Variants in WDHD1 observed in about 807,000 individuals in gnomAD.
The protein encoded by WDHD1 is WD repeat and HMG-box DNA binding protein 1, also known as WD repeat and HMG-box DNA-binding protein 1.
Under a neutral mutation model 135.4 loss-of-function variants are expected in WDHD1, and 111 were observed. The ratio of observed to expected loss-of-function variants is 0.82; its 90% CI spans 0.70 to 0.96. The LOEUF is 0.96. Among genes scored for constraint, WDHD1 ranks in the 40% least tolerant of loss-of-function variants. The pLI is 0.00. For synonymous variants in WDHD1, 434 were observed against 439.0 expected (o/e 0.99, Z 0.14); for missense variants, 1,351 against 1,336.3 (o/e 1.01, Z -0.17).
intron 16 of WDHD1, among the ~76,000 whole-genome samples, chr14:54,972,447 G>A (rs925789747): frequency 6.7e-6 from 1 of 149,156 alleles, no homozygotes; most frequent in Non-Finnish European, 1.5e-5. Context: ...GTGTGGTGGT[G>A]AACGCCTGTA....
At chr14:55,018,675 T>A (rs2042297395) in intron 2 of WDHD1, among the ~76,000 whole-genome samples, 2 of 152,142 alleles carry the variant, frequency 1.3e-5, no homozygotes, top group Admixed American at 6.5e-5. Flanking sequence ...TAAAACAAAT[T>A]CTTAAAAATT....
In WDHD1 at chr14:54,987,151, T is replaced by C. The variant is rs374054757; in HGVS notation, c.1763A>G (p.His588Arg). 44 of 1,613,940 alleles carry C rather than the reference T, an allele frequency of 2.7e-5. No individual in the cohort carries two copies. Among genetic ancestry groups the C allele is most frequent in the Non-Finnish European group, 3.6e-5 (43 of 1,179,976 alleles). Residue 588 changes from histidine to arginine, a missense_variant, in exon 14 of 26, where the codon CAC becomes CGC. His to Arg is a conservative substitution (Grantham distance 29). This residue lies in a region of WDHD1 where 1,330 missense variants were observed against 1,296.1 expected (regional missense o/e 1.03). Coordinates refer to ENST00000360586, the MANE Select transcript of WDHD1 (RefSeq NM_007086.4). Reference protein sequence around the residue: ...GHGEQLFIVYHRGTGFDGDQC... With the variant: ...GHGEQLFIVYRRGTGFDGDQC... ...AAAGACTGAAAAAAATCTACCTCTG[T>C]GATAAACAATGAAAAGCTGTTCTCC...
intron 23 of WDHD1, among the ~76,000 whole-genome samples, chr14:54,955,903 T>G (rs2041150616): frequency 1.4e-5 from 2 of 146,132 alleles, no homozygotes; most frequent in Admixed American, 1.4e-4. Context: ...TCCTTTTTTT[T>G]TTTTTTTTTT....
At chr14:55,023,049 G>A (rs187585280) in intron 2 of WDHD1, among the ~76,000 whole-genome samples, 31 of 152,050 alleles carry the variant, frequency 2.0e-4, no homozygotes, top group African/African-American at 7.5e-4. Context: ...TCTGACCTCA[G>A]GTGATCCACC....
At chr14:55,013,896 G>A (rs2042217274) in intron 2 of WDHD1, among the ~76,000 whole-genome samples, 1 of 151,798 alleles carries the variant, frequency 6.6e-6, no homozygotes, top group African/African-American at 2.4e-5. Context: ...AACAGAGCAA[G>A]ACTCTATCTC....
At chr14:55,010,519 T>C (rs1308508965) in intron 3 of WDHD1, 59 bp from the exon 4 acceptor site, 1 of 1,344,574 alleles carries the variant, frequency 7.4e-7, no homozygotes, top group Non-Finnish European at 9.7e-7. Context: ...ACTGGGAGTC[T>C]CTCCATAGTT....
intron 24 of WDHD1, 141 bp from the exon 25 acceptor site, chr14:54,944,611 T>C (rs2040890623): frequency 2.8e-6 from 2 of 717,776 alleles, no homozygotes; most frequent in Admixed American, 4.4e-5. Context: ...TGTTAATTCA[T>C]GTTACTTTTT....
rs1342534097 is a variant in WDHD1, at chr14:55,017,291, T to C, written c.78-3695A>G. On this transcript the variant is annotated intron_variant, in intron 2 of 25. Transcript: ENST00000360586. ...TGGTTTTATCCTTTATTGTATCAAA[T>C]AACTACATATTAATTTTATTGTTTT... 2.0e-5 allele frequency among the ~76,000 whole-genome samples: 3 copies of C among 152,352 alleles called. No homozygotes were observed. In the East Asian group the frequency reaches 5.8e-4, roughly 29 times the overall value.
At chr14:54,970,320 T>A (rs963072859) in intron 16 of WDHD1, among the ~76,000 whole-genome samples, 1 of 152,168 alleles carries the variant, frequency 6.6e-6, no homozygotes, top group African/African-American at 2.4e-5. Context: ...AGTTTCAGGA[T>A]ACAAAATCAA....
intron 24 of WDHD1, among the ~76,000 whole-genome samples, chr14:54,953,021 C>T (rs970119295): frequency 1.3e-4 from 19 of 151,976 alleles, no homozygotes; most frequent in Admixed American, 1.2e-3. Flanking sequence ...CCATAAAAAC[C>T]CCAGAAGAAA....
At chr14:55,009,836 T>A (rs1221440964) in intron 4 of WDHD1, among the ~76,000 whole-genome samples, 1 of 152,204 alleles carries the variant, frequency 6.6e-6, no homozygotes, top group African/African-American at 2.4e-5. Flanking sequence ...TTTTTCTTTT[T>A]TTGAGACAGA....
intron 18 of WDHD1, among the ~76,000 whole-genome samples, chr14:54,965,079 C>A (rs1193387263): frequency 9.8e-5 from 15 of 152,290 alleles, no homozygotes. Flanking sequence ...GTCTCATATA[C>A]CACTTTTCTC....
At chr14:54,949,788 T>G (rs1317688326) in intron 24 of WDHD1, among the ~76,000 whole-genome samples, 1 of 152,202 alleles carries the variant, frequency 6.6e-6, no homozygotes, top group Non-Finnish European at 1.5e-5. Context: ...GACTAACAGC[T>G]GATCTCTCGG....
chr14:55,001,858 G>A (rs1157517014), intron 8 of WDHD1, among the ~76,000 whole-genome samples: 1 of 152,154 alleles, frequency 6.6e-6, no homozygotes, highest in African/African-American at 2.4e-5. Flanking sequence ...GATCATTTTA[G>A]AACAACTTGT....
intron 16 of WDHD1, among the ~76,000 whole-genome samples, chr14:54,969,850 C>T (rs2041403260): frequency 6.6e-6 from 1 of 152,190 alleles, no homozygotes; most frequent in Admixed American, 6.5e-5. Flanking sequence ...AGTTAATACA[C>T]CACAACCAGT....
At chr14:55,005,383 G>A (rs1595114333) in intron 7 of WDHD1, 1 of 565,966 alleles carries the variant, frequency 1.8e-6, no homozygotes, top group Non-Finnish European at 3.4e-6. Flanking sequence ...CAGGAGTGAA[G>A]CAGCCAGCAA....
intron 21 of WDHD1, among the ~76,000 whole-genome samples, chr14:54,961,918 C>T (rs1364241958): frequency 6.6e-6 from 1 of 151,772 alleles, no homozygotes; most frequent in Non-Finnish European, 1.5e-5. Context: ...CTCACTGCTA[C>T]CTCCACCTCC....
At chr14:54,954,037 A>G (rs116910655) in intron 24 of WDHD1, among the ~76,000 whole-genome samples, 3,851 of 151,948 alleles carry the variant, frequency 0.025, 68 homozygotes, top group South Asian at 0.049. Flanking sequence ...TGAGCACAGC[A>G]CACCAACATG....
At position 54,987,226 on chromosome 14, in the gene WDHD1, T is replaced by G; in HGVS notation, c.1688A>C (p.Gln563Pro). Reference protein sequence around the residue: ...LLRLFTIGGVQKEVFSLAGPV... With the variant: ...LLRLFTIGGVPKEVFSLAGPV... ...TCCAGCAAGGCTGAATACCTCTTTT[T>G]GAACCCCTCCAATAGTAAACAATCG... Residue 563 changes from glutamine to proline, a missense_variant, in exon 14 of 26, where the codon CAA becomes CCA. Around this residue, in one of 2 missense-constraint regions of WDHD1, gnomAD observed 1,330 missense variants for 1,296.1 expected, o/e 1.03. Transcript: ENST00000360586. 1 of 1,614,190 alleles carries G rather than the reference T, an allele frequency of 6.2e-7. No homozygotes were observed. The highest frequency in any genetic ancestry group is 8.5e-7 in the Non-Finnish European group (1 of 1,180,032).
Sources: allele counts gnomAD v4.1 joint callset (sites outside exome capture counted in the v4.1 genomes callset), GRCh38; gene constraint gnomAD v4.1.1; regional missense constraint gnomAD v4.1.1; transcripts MANE v1.5; gene names NCBI Gene and HGNC (gene_info 2026-07-23, HGNC 2026-07-21).